The following FADS1 variants were observed in gnomAD, a reference collection of about 807,000 sequenced individuals.
The protein encoded by FADS1 is fatty acid desaturase 1, also known as acyl-CoA (8-3)-desaturase.
A neutral mutation model predicts 61.6 loss-of-function variants in FADS1; 17 were observed. The ratio of observed to expected loss-of-function variants is 0.28; its 90% confidence interval spans 0.19 to 0.41. FADS1 has a LOEUF of 0.41. Ranked by LOEUF, FADS1 falls within the 10% of genes least tolerant of loss-of-function variation. The pLI is 1.00. For synonymous variants in FADS1, 238 were observed against 258.7 expected, an observed-to-expected ratio of 0.92 and a Z score of 0.77; for missense variants, 387 against 650.9, an observed-to-expected ratio of 0.59 and a Z score of 4.41.
intron 2 of FADS1, 75 bp from the exon 3 acceptor site, chr11:61,812,743 G>T (rs2066940765): frequency 1.5e-6 from 2 of 1,361,614 alleles, no homozygotes; most frequent in South Asian, 1.3e-5. Flanking sequence ...GCCCTCTCAG[G>T]CTCAAGGACC....
chr11:61,815,089 G>A lies in FADS1; in HGVS notation c.375+1466C>T, dbSNP rs1400269043. On this transcript the variant is annotated intron_variant, in intron 1 of 11. Coordinates refer to ENST00000350997, the MANE Select transcript of FADS1 (RefSeq NM_013402.7). This position sits in a 1 kb window ranked among gnomAD's most constrained non-coding sequence, Gnocchi z 6.4. The stretch of plus-strand genomic sequence containing the variant: ...AGGCAGCTACTTTGGGTTGTGCAAG[G>A]TAAGGTCCATGGCGATAAGATTCAC... 53 of 157,968 alleles carry A rather than the reference G, an allele frequency of 3.4e-4. No individual in the cohort carries two copies. The highest frequency in any genetic ancestry group is 8.8e-5 in the Non-Finnish European group (6 of 68,372). The allele number at this position is 157,968 out of a possible 1,614,324, so 9.8% of individuals were successfully genotyped here. A position where few individuals can be genotyped will look rare whatever the true frequency, so the allele number is the denominator to read the frequency against.
chr11:61,813,156 C>T lies in FADS1; in HGVS notation c.486+87G>A, dbSNP rs957103502. 8.4e-6 allele frequency: 7 copies of T among 830,382 alleles called. No individual in the cohort carries two copies. The African/African-American group carries it at 1.0e-4, about 12-fold the overall frequency. 51.4% of individuals were successfully genotyped at this position (830,382 alleles called of 1,614,324 possible). ...CTACTACTGACTGTGATTACTATGA[C>T]TGTGATCCCATCTAGACTCTCCTTC... On this transcript the variant is annotated intron_variant, in intron 2 of 11. Transcript: ENST00000350997.
rs1378096784 is a variant in FADS1 at position 61,803,875 on chromosome 11, A to G, written c.1054-108T>C. 1.3e-5 allele frequency: 11 copies of G among 818,300 alleles called. No homozygotes were observed. The highest frequency in any genetic ancestry group is 2.1e-5 in the Admixed American group (1 of 48,564). 50.7% of individuals were successfully genotyped at this position (818,300 alleles called of 1,614,324 possible). A position where few individuals can be genotyped will look rare whatever the true frequency, so the allele number is the denominator to read the frequency against. On this transcript the variant is annotated intron_variant, in intron 7 of 11. Transcript: ENST00000350997. This position sits in a 1 kb window ranked among gnomAD's most constrained non-coding sequence, Gnocchi z 4.3. ...GCCATTCTCCTGGTTATCCAGACTC[A>G]CTCATCTTCAGCTTCTCAGGGGTCC...
In FADS1 at chr11:61,801,485, A is replaced by G. The variant is rs1367089101; in HGVS notation, c.*926T>C. The G allele has an allele frequency of 1.3e-5, 2 of 152,382 alleles. No homozygotes were observed. Among genetic ancestry groups the G allele is most frequent in the African/African-American group, 2.4e-5 (1 of 41,470 alleles). 9.4% of individuals were successfully genotyped at this position (152,382 alleles called of 1,614,324 possible). A position where few individuals can be genotyped will look rare whatever the true frequency, so the allele number is the denominator to read the frequency against. ...TGAAAGAGCTTTTTAAATAGCCAGC[A>G]ACTCTCTCTACCATCTGTTTTGGTA... is the stretch of plus-strand genomic sequence containing the variant. On this transcript the variant is annotated 3_prime_UTR_variant, in exon 12 of 12. Coordinates refer to ENST00000350997, the MANE Select transcript of FADS1 (RefSeq NM_013402.7).
In FADS1 at chr11:61,802,148, G is replaced by A. The variant is rs2066859661; in HGVS notation, c.*263C>T. 2 of 471,780 alleles carry A rather than the reference G, an allele frequency of 4.2e-6. No individual in the cohort carries two copies. The highest frequency in any genetic ancestry group is 7.5e-5 in the East Asian group (2 of 26,546). The allele number at this position is 471,780 out of a possible 1,614,324, so 29.2% of individuals were successfully genotyped here. ...CTCTCTGTTCACCAACTACCTGCAT[G>A]TGCCAAACTAGAAAAAGGAAATAAT... On this transcript the variant is annotated 3_prime_UTR_variant, in exon 12 of 12. Transcript: ENST00000350997. This position sits in a 1 kb window ranked among gnomAD's most constrained non-coding sequence, Gnocchi z 4.2.
Position 61,803,514 on chromosome 11 carries a change from T to G in FADS1, c.1152-55A>C. 2.5e-5 allele frequency: 36 copies of G among 1,427,098 alleles called. No individual in the cohort carries two copies. The highest frequency in any genetic ancestry group is 3.4e-5 in the Non-Finnish European group (34 of 1,009,566). 88.4% of individuals were successfully genotyped at this position (1,427,098 alleles called of 1,614,324 possible). On this transcript the variant is annotated intron_variant, in intron 8 of 11. Coordinates refer to ENST00000350997, the MANE Select transcript of FADS1 (RefSeq NM_013402.7). This position sits in a 1 kb window ranked among gnomAD's most constrained non-coding sequence, Gnocchi z 4.3. ...GTACACACAGAGCCCAGAATTCTGA[T>G]TCCCCCCTCAGATAACTGCTCCAGC...
At chr11:61,806,897 TA>T (rs2066898620) in intron 5 of FADS1, among the ~76,000 whole-genome samples, 173 bp from the exon 6 acceptor site, 1 of 152,200 alleles carries the variant, frequency 6.6e-6, no homozygotes, top group African/African-American at 2.4e-5. Flanking sequence ...CATGAAGCCC[TA>T]GACTGTAATC....
intron 3 of FADS1, among the ~76,000 whole-genome samples, chr11:61,811,373 G>A (rs980728510): frequency 2.6e-5 from 4 of 152,074 alleles, no homozygotes; most frequent in Admixed American, 6.5e-5. Context: ...TGCGGTTTCA[G>A]ATCACTGCAA....
rs2066850940 is a variant in FADS1 at position 61,800,733 on chromosome 11, C to T, written c.*1678G>A. The T allele has an allele frequency of 6.6e-6, 1 of 152,326 alleles. No homozygotes were observed. 9.4% of individuals were successfully genotyped at this position (152,326 alleles called of 1,614,324 possible). A position where few individuals can be genotyped will look rare whatever the true frequency, so the allele number is the denominator to read the frequency against. ...CCAGTGTCTAAAATGATCAATATGC[C>T]TAGAGTAGATGCTGCTGAAGAGGCA... On this transcript the variant is annotated 3_prime_UTR_variant, in exon 12 of 12. Transcript: ENST00000350997.
Position 61,816,556 on chromosome 11 carries a change from G to A in FADS1, c.374C>T (p.Thr125Met). ...VISHYAGQDA[T>M]DPFVAFHINK... ...GTGCCCCCGCCTGGCTGCGCTCACC[G>A]TGGCATCCTGCCCGGCGTAGTGGCT... Residue 125 changes from threonine to methionine, a missense_variant and splice_region_variant, in exon 1 of 12, where the codon ACG becomes ATG. This residue lies in a region of FADS1 where 257 missense variants were observed against 533.3 expected (regional missense o/e 0.48). Transcript: ENST00000350997. This position sits in a 1 kb window ranked among gnomAD's most constrained non-coding sequence, Gnocchi z 7.0. 1 of 1,603,780 alleles carries A rather than the reference G, an allele frequency of 6.2e-7. No individual in the cohort carries two copies. The highest frequency in any genetic ancestry group is 8.5e-7 in the Non-Finnish European group (1 of 1,176,122).
rs566347858 is a variant in FADS1, at chr11:61,816,485, G to C, written c.375+70C>G. ...TTAGTCGGTGTTTGGCTCGGAGTGC[G>C]TAACTCTGTCTCCCCTGCACTCAGC... is the stretch of plus-strand genomic sequence containing the variant. On this transcript the variant is annotated intron_variant, in intron 1 of 11. Transcript: ENST00000350997. This position sits in a 1 kb window ranked among gnomAD's most constrained non-coding sequence, Gnocchi z 7.0. 9 of 1,600,866 alleles carry C rather than the reference G, an allele frequency of 5.6e-6. No individual in the cohort carries two copies. Among genetic ancestry groups the C allele is most frequent in the Non-Finnish European group, 5.1e-6 (6 of 1,178,484 alleles).
In FADS1 at chr11:61,803,477, C is replaced by G; in HGVS notation, c.1152-18G>C. ...CCAGGAACCTGTTAGATGTATTACACAGACAAAAACAGTACACACAGAGCC... is the reference window on the plus strand; with the variant it reads ...CCAGGAACCTGTTAGATGTATTACAGAGACAAAAACAGTACACACAGAGCC... On this transcript the variant is annotated intron_variant, in intron 8 of 11. Coordinates refer to ENST00000350997, the MANE Select transcript of FADS1 (RefSeq NM_013402.7). The surrounding 1 kb of genome is among the most constrained non-coding windows in gnomAD (Gnocchi z 4.3). 6.3e-7 allele frequency: 1 copy of G among 1,586,780 alleles called. No homozygotes were observed. Among genetic ancestry groups the G allele is most frequent in the Non-Finnish European group, 8.7e-7 (1 of 1,155,102 alleles).
Position 61,816,890 on chromosome 11 carries a change from C to A in FADS1, c.40G>T (p.Gly14Cys), listed in dbSNP as rs2066990687. Residue 14 changes from glycine to cysteine, a missense_variant, in exon 1 of 12, where the codon GGT becomes TGT. Gly to Cys is a radical substitution (Grantham distance 159). This residue lies in a region of FADS1 where 130 missense variants were observed against 117.7 expected (regional missense o/e 1.10). Coordinates refer to ENST00000350997, the MANE Select transcript of FADS1 (RefSeq NM_013402.7). The surrounding 1 kb of genome is among the most constrained non-coding windows in gnomAD (Gnocchi z 7.0). ...RAARPAGLPC[G>C]AENPARRRLA... ...CGCCTGCGCGCCGGGTTTTCAGCAC[C>A]GCAGGGCAGACCGGCGGGCCTCGCA... The A allele has an allele frequency of 2.1e-6, 3 of 1,456,862 alleles. No homozygotes were observed. The highest frequency in any genetic ancestry group is 1.3e-5 in the South Asian group (1 of 74,116). 90.2% of individuals were successfully genotyped at this position (1,456,862 alleles called of 1,614,324 possible).
chr11:61,808,220 C>T (rs1186837542), intron 5 of FADS1, among the ~76,000 whole-genome samples: 1 of 152,036 alleles, frequency 6.6e-6, no homozygotes, highest in African/African-American at 2.4e-5. Context: ...CCTGTAGTCC[C>T]AGCTACTCAG....
Position 61,813,367 on chromosome 11 carries a change from G to C in FADS1, c.376-14C>G, listed in dbSNP as rs767179867. 4 of 1,535,348 alleles carry C rather than the reference G, an allele frequency of 2.6e-6. No homozygotes were observed. The East Asian group carries it at 9.0e-5, about 35-fold the overall frequency. On this transcript the variant is annotated splice_polypyrimidine_tract_variant and intron_variant, in intron 1 of 11. Coordinates refer to ENST00000350997, the MANE Select transcript of FADS1 (RefSeq NM_013402.7). ...CACAAAGGGATCCTGCAAGTGCCGG[G>C]AGAAGATGAAAGGTGAGGGAGCCAG...
At chr11:61,811,735 A>C (rs2066932301) in intron 3 of FADS1, 1 of 314,184 alleles carries the variant, frequency 3.2e-6, no homozygotes, top group Non-Finnish European at 6.4e-6. Context: ...GATTACAGGC[A>C]CCCACCACCA....
rs909610189 is a variant in FADS1, at chr11:61,815,391, GT to G, written c.375+1163del. ...AGCTCTGGCCTCGCCCACTAGGCTG[GT>G]CGCGTCAGAGGGTGGGGCGGGTCTT... is the stretch of plus-strand genomic sequence containing the variant. On this transcript the variant is annotated intron_variant, in intron 1 of 11. Coordinates refer to ENST00000350997, the MANE Select transcript of FADS1 (RefSeq NM_013402.7). The surrounding 1 kb of genome is among the most constrained non-coding windows in gnomAD (Gnocchi z 6.4). The G allele has an allele frequency of 1.3e-5, 2 of 152,592 alleles. No individual in the cohort carries two copies. The highest frequency in any genetic ancestry group is 2.4e-5 in the African/African-American group (1 of 41,462). 9.5% of individuals were successfully genotyped at this position (152,592 alleles called of 1,614,324 possible). A position where few individuals can be genotyped will look rare whatever the true frequency, so the allele number is the denominator to read the frequency against.
intron 5 of FADS1, among the ~76,000 whole-genome samples, chr11:61,809,374 G>A (rs1433597296): frequency 1.3e-5 from 2 of 152,046 alleles, no homozygotes; most frequent in South Asian, 2.1e-4. Context: ...ACACAGGGTT[G>A]CGCTGTTACC....
rs2066983973 is a variant in FADS1 at position 61,816,418 on chromosome 11, G to C, written c.375+137C>G. The C allele has an allele frequency of 6.3e-7, 1 of 1,598,684 alleles. No individual in the cohort carries two copies. The highest frequency in any genetic ancestry group is 1.1e-5 in the South Asian group (1 of 91,080). The stretch of plus-strand genomic sequence containing the variant: ...CGCATCCGCAGGACACCCAATCACC[G>C]GGCAACAGGTATGATCAGGCGCCTC... On this transcript the variant is annotated intron_variant, in intron 1 of 11. Coordinates refer to ENST00000350997, the MANE Select transcript of FADS1 (RefSeq NM_013402.7). The surrounding 1 kb of genome is among the most constrained non-coding windows in gnomAD (Gnocchi z 7.0).
Sources: gnomAD v4.1 joint callset for allele counts (sites outside exome capture counted in the v4.1 genomes callset) on GRCh38, gnomAD v4.1.1 for gene constraint, gnomAD v4.1.1 regional missense constraint, Gnocchi (gnomAD v3.1) non-coding constraint, MANE v1.5 for transcripts, NCBI Gene and HGNC (gene_info 2026-07-23, HGNC 2026-07-21) for gene names.